Variants in GGT1 observed in about 807,000 individuals in gnomAD.
GGT1 encodes the protein glutathione hydrolase 1 proenzyme.
GGT1 carries 21 observed loss-of-function variants against 56.0 expected under a neutral mutation model. The ratio of observed to expected loss-of-function variants is 0.38; its 90% CI spans 0.27 to 0.54. The LOEUF (loss-of-function observed/expected upper bound fraction) is 0.54. Ranked by LOEUF, GGT1 falls within the 20% of genes least tolerant of loss-of-function variation. The pLI is 0.82. For missense variants in GGT1, 466 were observed against 787.0 expected, an observed-to-expected ratio of 0.59 and a Z score of 4.88; for synonymous variants, 238 against 342.6, an observed-to-expected ratio of 0.69 and a Z score of 3.37.
intron 5 of GGT1, among the ~76,000 whole-genome samples, chr22:24,613,576 C>T (rs1343445378): frequency 1.3e-5 from 2 of 151,556 alleles, no homozygotes; most frequent in African/African-American, 4.9e-5. Context: ...ATGGTGCACT[C>T]TGTCCCTACT....
chr22:24,625,304 GTC>G (rs1030103438), intron 11 of GGT1, among the ~76,000 whole-genome samples: 2 of 152,148 alleles, frequency 1.3e-5, no homozygotes, highest in Non-Finnish European at 2.9e-5. Context: ...TGTACACAGA[GTC>G]TCTGTCATCC....
chr22:24,614,214 T>C (rs2046890550), intron 5 of GGT1, among the ~76,000 whole-genome samples: 1 of 151,408 alleles, frequency 6.6e-6, no homozygotes, highest in Admixed American at 6.6e-5. Context: ...CTGGGCATGG[T>C]GGCATGTGCC....
chr22:24,593,891 C>T (rs940890398), upstream of GGT1, among the ~76,000 whole-genome samples: 4 of 152,244 alleles, frequency 2.6e-5, no homozygotes, highest in African/African-American at 4.8e-5. Context: ...TATTTACTGC[C>T]TCCTGCTTCT....
upstream of GGT1, among the ~76,000 whole-genome samples, chr22:24,592,008 G>A (rs958274635): frequency 2.0e-5 from 3 of 152,210 alleles, no homozygotes; most frequent in African/African-American, 2.4e-5. Flanking sequence ...TGACCACTTC[G>A]CTCCATGCCT....
At chr22:24,598,628 A>G (rs540966664), upstream of GGT1, among the ~76,000 whole-genome samples, 4 of 152,090 alleles carry the variant, frequency 2.6e-5, no homozygotes, top group East Asian at 7.7e-4. Context: ...ATCTCAGCTC[A>G]CTGCAGCCTC....
Position 24,595,450 on chromosome 22 carries a change from C to T in GGT1, c.-324+564C>T, listed in dbSNP as rs143366302. Among the ~76,000 whole-genome samples, 350 of 152,324 alleles carry T rather than the reference C, an allele frequency of 2.3e-3. 2 individuals are homozygous for T. Among genetic ancestry groups the T allele is most frequent in the African/African-American group, 7.8e-3 (323 of 41,562 alleles). On this transcript the variant is annotated intron_variant, in intron 1 of 6. Coordinates refer to the GGT1 transcript ENST00000411974. ...GTCTCCCTGGGGTTACCCTGAGCAG[C>T]AGAGCTGTGTTTGTTGAGACTCCAT...
upstream of GGT1, chr22:24,589,925 G>A: frequency 6.2e-7 from 1 of 1,609,062 alleles, no homozygotes; most frequent in South Asian, 1.1e-5. Flanking sequence ...ATATCAGGAA[G>A]GAGGGTCCTC....
upstream of GGT1, among the ~76,000 whole-genome samples, chr22:24,602,457 G>A (rs2045799068): frequency 6.6e-6 from 1 of 152,244 alleles, no homozygotes; most frequent in African/African-American, 2.4e-5. Flanking sequence ...CTGGCAGGCT[G>A]CAGACCATGT....
At chr22:24,591,535 G>A (rs1396498668), upstream of GGT1, among the ~76,000 whole-genome samples, 4 of 152,188 alleles carry the variant, frequency 2.6e-5, no homozygotes, top group African/African-American at 9.7e-5. Flanking sequence ...GGAGGCCGTG[G>A]GTCACAGCTG....
chr22:24,586,206 G>A, the GGT1 span: 2 of 1,613,642 alleles, frequency 1.2e-6, no homozygotes, highest in African/African-American at 2.7e-5. Context: ...AGCTGGGTGA[G>A]GCGGGGCAGC....
rs548103031 is a variant in GGT1 at position 24,622,335 on chromosome 22, C to T, written c.734-772C>T. On this transcript the variant is annotated intron_variant, in intron 9 of 15. Coordinates refer to ENST00000400382, the MANE Select transcript of GGT1 (RefSeq NM_001288833.2). ...ATCCCAGCACTTTGAGAGGCCGAGG[C>T]GTGTGGATCACGGGGTCAGGAGATC... Among the ~76,000 whole-genome samples, 7 of 152,208 alleles carry T rather than the reference C, an allele frequency of 4.6e-5. No homozygotes were observed. The South Asian group carries it at 8.3e-4, about 18-fold the overall frequency.
chr22:24,588,199 C>T, the GGT1 span: 6 of 1,598,222 alleles, frequency 3.8e-6, no homozygotes, highest in Non-Finnish European at 5.1e-6. Flanking sequence ...GGGGCAGTGG[C>T]TGGGCTACCC....
In GGT1 at chr22:24,608,657, T is replaced by A. The variant is rs572256151; in HGVS notation, c.-359+634T>A. ...TGGTGGAAATGTCCTTTTGTTTTTGTTTTTTTGCATTTTTTTTGAGACGGA... is the reference window on the plus strand; with the variant it reads ...TGGTGGAAATGTCCTTTTGTTTTTGATTTTTTGCATTTTTTTTGAGACGGA... On this transcript the variant is annotated intron_variant, in intron 2 of 15. Transcript: ENST00000400382. Among the ~76,000 whole-genome samples, 34 of 152,292 alleles carry A rather than the reference T, an allele frequency of 2.2e-4. 1 individual carries two copies. In the South Asian group the frequency reaches 6.6e-3, roughly 30 times the overall value.
Position 24,628,182 on chromosome 22 carries a change from G to A in GGT1, c.1438G>A (p.Ala480Thr), listed in dbSNP as rs781239862. 6.8e-6 allele frequency: 11 copies of A among 1,611,934 alleles called. No homozygotes were observed. The highest frequency in any genetic ancestry group is 1.3e-5 in the African/African-American group (1 of 74,864). Reference protein sequence around the residue: ...GAAGGTQITTATALAIIYNLW... With the variant: ...GAAGGTQITTTTALAIIYNLW... Reference sequence around the variant, plus strand: ...TGCTGGGGGCACACAGATCACCACGGCCACTGCACTGGTATGTGTCACACC... The same window carrying A: ...TGCTGGGGGCACACAGATCACCACGACCACTGCACTGGTATGTGTCACACC... The change falls in exon 14 of 16, where the codon GCC becomes ACC. Residue 480 changes from alanine (A) to threonine (T), a missense_variant. Ala to Thr is a moderately conservative substitution (Grantham distance 58). Around this residue, in one of 2 missense-constraint regions of GGT1, gnomAD observed 456 missense variants for 716.7 expected, o/e 0.64. Transcript: ENST00000400382. This position sits in a 1 kb window ranked among gnomAD's most constrained non-coding sequence, Gnocchi z 5.7.
At chr22:24,587,336 G>A in the GGT1 span, among the ~76,000 whole-genome samples, 1 of 152,154 alleles carries the variant, frequency 6.6e-6, no homozygotes, top group Non-Finnish European at 1.5e-5. Flanking sequence ...AGACTGAGAA[G>A]GACCCCCGCC....
intron 5 of GGT1, 132 bp downstream of exon 5, chr22:24,611,377 A>C (rs1304490231): frequency 1.5e-6 from 1 of 677,542 alleles, no homozygotes; most frequent in East Asian, 2.7e-5. Flanking sequence ...GCCTTTGGGA[A>C]GGGGACAGTG....
intron 7 of GGT1, among the ~76,000 whole-genome samples, chr22:24,618,451 C>T (rs1056079439): frequency 3.3e-5 from 5 of 152,086 alleles, no homozygotes; most frequent in African/African-American, 9.7e-5. Context: ...ATTAGCCTGG[C>T]GTGCTGGCCT....
rs556463254 is a variant in GGT1 at position 24,626,403 on chromosome 22, G to A, written c.1021-1029G>A. On this transcript the variant is annotated intron_variant, in intron 11 of 15. Transcript: ENST00000400382. ...CTCATCTCCTCGCCACTGCCTTGGG[G>A]ACCTTGGCCAGGCTCATGGCATCCA... is the stretch of plus-strand genomic sequence containing the variant. Among the ~76,000 whole-genome samples, 6 of 120,286 alleles carry A rather than the reference G, an allele frequency of 5.0e-5. No homozygotes were observed. The South Asian group carries it at 1.3e-3, about 25-fold the overall frequency. 78.9% of individuals were successfully genotyped at this position (120,286 alleles called of 152,430 possible). A position where few individuals can be genotyped will look rare whatever the true frequency, so the allele number is the denominator to read the frequency against.
At position 24,597,229 on chromosome 22, in the gene GGT1, CCT is replaced by C. The variant is rs540631934; in HGVS notation, c.-324+2344_-324+2345del. Among the ~76,000 whole-genome samples, 67 of 152,254 alleles carry C rather than the reference CCT, an allele frequency of 4.4e-4. 1 individual carries two copies. Among genetic ancestry groups the C allele is most frequent in the Admixed American group, 5.2e-4 (8 of 15,300 alleles). ...AACTCCTGACCTCAGGTGATCCACC[CCT>C]GTCAGCCTCCCAGTGTTGGGATTAC... is the stretch of plus-strand genomic sequence containing the variant. On this transcript the variant is annotated intron_variant, in intron 1 of 6. Coordinates refer to the GGT1 transcript ENST00000411974.
Sources: gnomAD v4.1 joint callset for allele counts (sites outside exome capture counted in the v4.1 genomes callset) on GRCh38, gnomAD v4.1.1 for gene constraint, gnomAD v4.1.1 regional missense constraint, Gnocchi (gnomAD v3.1) non-coding constraint, MANE v1.5 for transcripts, NCBI Gene and HGNC (gene_info 2026-07-23, HGNC 2026-07-21) for gene names.